The following WWOX variants were observed in gnomAD, a reference collection of about 807,000 sequenced individuals.
WWOX encodes the protein WW domain containing oxidoreductase.
A neutral mutation model predicts 46.2 loss-of-function variants in WWOX; 69 were observed. The observed-to-expected ratio is 1.49, with a 90% CI of 1.23 to 1.82. The LOEUF (loss-of-function observed/expected upper bound fraction) is 1.82, where lower values mean the gene tolerates loss of function less well. Among genes scored for constraint, WWOX ranks in the 40% most tolerant of loss-of-function variants. The probability of loss-of-function intolerance (pLI) is 0.00; values close to 1 mark genes in which losing one functional copy is unlikely to be tolerated. For synonymous variants in WWOX, 359 were observed against 202.6 expected, an observed-to-expected ratio of 1.77 and a Z score of -6.56; for missense variants, 919 against 542.6, an observed-to-expected ratio of 1.69 and a Z score of -6.89.
chr16:78,265,500 G>C (rs370858654), intron 5 of WWOX, among the ~76,000 whole-genome samples: 193 of 151,980 alleles, frequency 1.3e-3, no homozygotes, highest in African/African-American at 4.4e-3. Flanking sequence ...CCAACATGGA[G>C]AAACCCCGTC....
intron 8 of WWOX, among the ~76,000 whole-genome samples, chr16:79,167,056 T>G (rs1274984551): frequency 6.6e-6 from 1 of 152,184 alleles, no homozygotes; most frequent in Non-Finnish European, 1.5e-5. Flanking sequence ...TTCTCATGCG[T>G]CAGCCTCCTG....
chr16:78,676,481 C>T (rs922840434), intron 8 of WWOX, among the ~76,000 whole-genome samples: 1 of 151,752 alleles, frequency 6.6e-6, no homozygotes. Context: ...CCCACCCCCA[C>T]CTTTGGTGAC....
chr16:79,190,083 G>A (rs566013732), intron 8 of WWOX, among the ~76,000 whole-genome samples: 7 of 152,146 alleles, frequency 4.6e-5, no homozygotes, highest in East Asian at 1.9e-4. Context: ...CCAGGGCGGC[G>A]GTGTGATCTC....
chr16:79,014,989 G>A (rs759439966), intron 8 of WWOX, among the ~76,000 whole-genome samples: 7 of 152,166 alleles, frequency 4.6e-5, no homozygotes, highest in Non-Finnish European at 8.8e-5. Context: ...AGGTACCTGC[G>A]AGGGATCAAA....
chr16:78,346,145 G>C (rs1277475219), intron 5 of WWOX, among the ~76,000 whole-genome samples: 1 of 120,848 alleles, frequency 8.3e-6, no homozygotes, highest in East Asian at 1.9e-4. Flanking sequence ...TTCTGCATCT[G>C]GTTTCTTTCA....
At chr16:78,911,052 G>A (rs192639957) in intron 8 of WWOX, among the ~76,000 whole-genome samples, 6 of 151,352 alleles carry the variant, frequency 4.0e-5, no homozygotes, top group East Asian at 1.9e-4. Flanking sequence ...ACAGCCTGTC[G>A]ACTTCCATCC....
chr16:79,184,484 G>A (rs2050975103), intron 8 of WWOX, among the ~76,000 whole-genome samples: 1 of 152,126 alleles, frequency 6.6e-6, no homozygotes, highest in African/African-American at 2.4e-5. Flanking sequence ...GCTGCAGACT[G>A]ACCAAAAGCA....
intron 8 of WWOX, among the ~76,000 whole-genome samples, chr16:78,649,545 G>A (rs1467852451): frequency 6.6e-6 from 1 of 152,152 alleles, no homozygotes; most frequent in Non-Finnish European, 1.5e-5. Flanking sequence ...CCAAAGTGCT[G>A]GGATTACAGG....
At chr16:78,834,123 T>C (rs577376038) in intron 8 of WWOX, among the ~76,000 whole-genome samples, 1 of 152,312 alleles carries the variant, frequency 6.6e-6, no homozygotes, top group South Asian at 2.1e-4. Flanking sequence ...ATGGAGCCTG[T>C]TAAGACCAGT....
At chr16:79,163,073 C>G (rs1482188374) in intron 8 of WWOX, among the ~76,000 whole-genome samples, 5 of 152,118 alleles carry the variant, frequency 3.3e-5, no homozygotes, top group Non-Finnish European at 7.3e-5. Context: ...GATGAGGCCT[C>G]TTTGTCAAAC....
At chr16:78,818,771 T>A (rs1253511716) in intron 8 of WWOX, among the ~76,000 whole-genome samples, 2 of 152,202 alleles carry the variant, frequency 1.3e-5, no homozygotes, top group East Asian at 3.9e-4. Flanking sequence ...ATTCGGGGCC[T>A]TAGTTTCGTC....
At chr16:78,489,804 C>T (rs991501040) in intron 8 of WWOX, among the ~76,000 whole-genome samples, 2 of 152,074 alleles carry the variant, frequency 1.3e-5, no homozygotes, top group Admixed American at 6.5e-5. Context: ...GACCACAGTT[C>T]CGGCTGGAAC....
intron 5 of WWOX, among the ~76,000 whole-genome samples, chr16:78,174,600 T>C (rs2035272429): frequency 1.3e-5 from 2 of 152,256 alleles, no homozygotes; most frequent in Non-Finnish European, 2.9e-5. Context: ...GCATCAGCTG[T>C]AAAGTCTATG....
intron 8 of WWOX, among the ~76,000 whole-genome samples, chr16:78,880,562 A>G (rs1328000857): frequency 2.6e-5 from 4 of 152,248 alleles, no homozygotes; most frequent in African/African-American, 9.6e-5. Flanking sequence ...ATCTTGCATC[A>G]TTTTGAAGGT....
intron 8 of WWOX, among the ~76,000 whole-genome samples, chr16:79,059,204 C>G (rs1215149473): frequency 1.3e-5 from 2 of 152,178 alleles, no homozygotes; most frequent in Non-Finnish European, 2.9e-5. Context: ...CATCCTAAAA[C>G]TCCATGAATA....
At chr16:78,115,816 A>G (rs867603426) in intron 4 of WWOX, among the ~76,000 whole-genome samples, 2 of 152,214 alleles carry the variant, frequency 1.3e-5, no homozygotes, top group Middle Eastern at 6.8e-3. Context: ...TATTTACATA[A>G]GTATCTGAAT....
chr16:78,377,930 T>C (rs1293339463), intron 5 of WWOX, among the ~76,000 whole-genome samples: 3 of 152,288 alleles, frequency 2.0e-5, no homozygotes, highest in African/African-American at 7.2e-5. Flanking sequence ...AATTTTGGCC[T>C]GTATGTAATG....
intron 8 of WWOX, chr16:78,550,949 A>T (rs2044158811): frequency 6.6e-6 from 1 of 152,330 alleles, no homozygotes; most frequent in African/African-American, 2.4e-5. Context: ...TAAGGAATGC[A>T]TGACACTGTC....
At chr16:78,219,054 T>A (rs1427819295) in intron 5 of WWOX, among the ~76,000 whole-genome samples, 3 of 152,232 alleles carry the variant, frequency 2.0e-5, no homozygotes. Context: ...TAACAAGATC[T>A]TGGTGAGATA....
Sources: gnomAD v4.1 joint callset for allele counts (sites outside exome capture counted in the v4.1 genomes callset) on GRCh38, gnomAD v4.1.1 for gene constraint, MANE v1.5 for transcripts, NCBI Gene and HGNC (gene_info 2026-07-23, HGNC 2026-07-21) for gene names.